CFAP20DC: variants seen among roughly 807,000 people sequenced by gnomAD.
CFAP20DC encodes CFAP20 domain containing.
In CFAP20DC, 84 loss-of-function variants were observed where a neutral mutation model predicts 101.7. That is an observed-to-expected ratio of 0.83 (90% CI 0.69 to 0.99). The LOEUF (loss-of-function observed/expected upper bound fraction) is 0.99. CFAP20DC is among the 50% of genes least tolerant of loss of function. CFAP20DC has a pLI of 0.00. For synonymous variants in CFAP20DC, 359 were observed against 351.2 expected, an observed-to-expected ratio of 1.02 and a Z score of -0.25; for missense variants, 1,007 against 970.3, an observed-to-expected ratio of 1.04 and a Z score of -0.50.
At chr3:58,826,112 A>C (rs2076020446) in intron 14 of CFAP20DC, among the ~76,000 whole-genome samples, 1 of 152,154 alleles carries the variant, frequency 6.6e-6, no homozygotes, top group Non-Finnish European at 1.5e-5. Context: ...ATGGGACCGG[A>C]CTACATCTTT....
chr3:58,991,632 T>C (rs1422543145), intron 4 of CFAP20DC, among the ~76,000 whole-genome samples: 1 of 152,158 alleles, frequency 6.6e-6, no homozygotes, highest in African/African-American at 2.4e-5. Flanking sequence ...ATGAAACTGT[T>C]CCACCTGAGA....
chr3:59,049,992 G>A lies in CFAP20DC; in HGVS notation c.-361C>T, dbSNP rs1309080528. The A allele has an allele frequency of 7.9e-6, 2 of 254,266 alleles. No homozygotes were observed. The highest frequency in any genetic ancestry group is 8.2e-5 in the East Asian group (1 of 12,218). 15.8% of individuals were successfully genotyped at this position (254,266 alleles called of 1,614,324 possible). ...AACCGCCCGCTGGCCTAGGAAAAGC[G>A]GGCGCGCTCCCGCTGCCGCCCCACC... is the stretch of plus-strand genomic sequence containing the variant. On this transcript the variant is annotated 5_prime_UTR_variant, in exon 1 of 17. Transcript: ENST00000482387.
At chr3:58,778,540 A>G (rs2071542639) in intron 15 of CFAP20DC, among the ~76,000 whole-genome samples, 1 of 152,112 alleles carries the variant, frequency 6.6e-6, no homozygotes, top group Non-Finnish European at 1.5e-5. Context: ...TTGTTCTACC[A>G]CTGCTACTAC....
chr3:59,043,060 C>G (rs536314768), intron 3 of CFAP20DC, among the ~76,000 whole-genome samples: 12 of 152,144 alleles, frequency 7.9e-5, no homozygotes, highest in African/African-American at 2.9e-4. Flanking sequence ...GCTGTCCAAG[C>G]GTAGAAATGT....
intron 15 of CFAP20DC, 46 bp from the exon 16 acceptor site, chr3:58,753,909 T>C (rs528872796): frequency 6.7e-6 from 9 of 1,334,676 alleles, no homozygotes; most frequent in South Asian, 1.3e-5. Flanking sequence ...ATTCCATATA[T>C]AGATTTTAGG....
chr3:58,946,113 ATTTTTTTTTT>A (rs57865077), intron 4 of CFAP20DC, among the ~76,000 whole-genome samples: 2 of 123,814 alleles, frequency 1.6e-5, no homozygotes, highest in Non-Finnish European at 1.7e-5. Context: ...AACTGCCCCA[ATTTTTTTTTT>A]TTTTTTTTTT....
At chr3:58,961,514 A>T (rs866818310) in intron 4 of CFAP20DC, among the ~76,000 whole-genome samples, 1 of 152,178 alleles carries the variant, frequency 6.6e-6, no homozygotes, top group African/African-American at 2.4e-5. Context: ...AGATCACGCC[A>T]CTGCACTCCA....
chr3:58,808,463 T>A (rs1254828199), intron 14 of CFAP20DC, among the ~76,000 whole-genome samples: 1 of 152,206 alleles, frequency 6.6e-6, no homozygotes, highest in Non-Finnish European at 1.5e-5. Flanking sequence ...CCAGCCAAAC[T>A]AAGCTTCATA....
At chr3:58,832,481 T>G (rs1186449212) in intron 13 of CFAP20DC, among the ~76,000 whole-genome samples, 3 of 152,154 alleles carry the variant, frequency 2.0e-5, no homozygotes, top group Admixed American at 6.5e-5. Flanking sequence ...TTTTTAAATT[T>G]GCCATTTAAA....
intron 15 of CFAP20DC, among the ~76,000 whole-genome samples, chr3:58,772,477 G>A (rs1559569031): frequency 6.6e-6 from 1 of 152,184 alleles, no homozygotes; most frequent in Non-Finnish European, 1.5e-5. Flanking sequence ...AAATTAAGGA[G>A]ATGGGACACT....
intron 4 of CFAP20DC, among the ~76,000 whole-genome samples, chr3:58,954,378 G>A (rs745870594): frequency 1.3e-5 from 2 of 152,096 alleles, no homozygotes; most frequent in Non-Finnish European, 2.9e-5. Flanking sequence ...CTGATGATTT[G>A]ATTCATTTAT....
At chr3:58,753,746 C>G in intron 16 of CFAP20DC, 23 bp downstream of exon 16, 1 of 1,402,560 alleles carries the variant, frequency 7.1e-7, no homozygotes, top group South Asian at 1.2e-5. Context: ...TTTTCTTATG[C>G]ATATCGTTTT....
At chr3:58,846,430 G>A (rs983603610) in intron 13 of CFAP20DC, among the ~76,000 whole-genome samples, 1 of 151,996 alleles carries the variant, frequency 6.6e-6, no homozygotes, top group Non-Finnish European at 1.5e-5. Flanking sequence ...TCAAAGAGAA[G>A]AAAATACCTA....
chr3:58,914,696 T>A lies in CFAP20DC; in HGVS notation c.394-832A>T, dbSNP rs970929982. 2.7e-5 allele frequency among the ~76,000 whole-genome samples: 4 copies of A among 149,918 alleles called. 1 individual carries two copies. The highest frequency in any genetic ancestry group is 4.2e-4 in the South Asian group (2 of 4,814). The stretch of plus-strand genomic sequence containing the variant: ...TATATAAATATATATATATATATTT[T>A]TTTTCTTTTTTTTAAAGACAAATCT... On this transcript the variant is annotated intron_variant, in intron 5 of 16. Coordinates refer to ENST00000482387, the MANE Select transcript of CFAP20DC (RefSeq NM_001394063.1). This position sits in a 1 kb window ranked among gnomAD's most constrained non-coding sequence, Gnocchi z 4.9.
chr3:58,766,604 A>G (rs1469915466), intron 15 of CFAP20DC, among the ~76,000 whole-genome samples: 2 of 152,158 alleles, frequency 1.3e-5, no homozygotes, highest in Non-Finnish European at 2.9e-5. Flanking sequence ...TGTCATCGGG[A>G]AGCCATCATC....
At chr3:58,924,667 G>A (rs572173295) in intron 5 of CFAP20DC, among the ~76,000 whole-genome samples, 3 of 152,148 alleles carry the variant, frequency 2.0e-5, no homozygotes, top group Non-Finnish European at 4.4e-5. Context: ...TTTCCATAGA[G>A]GTTGTGCTAA....
intron 7 of CFAP20DC, 94 bp downstream of exon 7, chr3:58,884,451 A>G: frequency 2.6e-6 from 3 of 1,172,172 alleles, no homozygotes; most frequent in Non-Finnish European, 3.7e-6. Flanking sequence ...AGGATATAGA[A>G]GAATGAGGTA....
chr3:59,026,446 C>T (rs2093894439), intron 4 of CFAP20DC, among the ~76,000 whole-genome samples: 1 of 152,094 alleles, frequency 6.6e-6, no homozygotes, highest in Admixed American at 6.6e-5. Context: ...TACAAAGCAA[C>T]CACTATTTTC....
In CFAP20DC at chr3:59,049,867, T is replaced by C; in HGVS notation, c.-236A>G. 1.7e-6 allele frequency: 1 copy of C among 588,668 alleles called. No homozygotes were observed. The highest frequency in any genetic ancestry group is 3.0e-6 in the Non-Finnish European group (1 of 332,796). The allele number at this position is 588,668 out of a possible 1,614,324, so 36.5% of individuals were successfully genotyped here. On this transcript the variant is annotated 5_prime_UTR_variant, in exon 1 of 17. Coordinates refer to ENST00000482387, the MANE Select transcript of CFAP20DC (RefSeq NM_001394063.1). ...CTCCAGCCTCCGCGGTGCCCGGGTC[T>C]GGGGAGGGCGCAGCTGCCTGGACGG...
Sources: gnomAD v4.1 joint callset for allele counts (sites outside exome capture counted in the v4.1 genomes callset) on GRCh38, gnomAD v4.1.1 for gene constraint, Gnocchi (gnomAD v3.1) non-coding constraint, MANE v1.5 for transcripts, NCBI Gene and HGNC (gene_info 2026-07-23, HGNC 2026-07-21) for gene names.